VPS13C: variants seen among roughly 807,000 people sequenced by gnomAD.
The protein encoded by VPS13C is intermembrane lipid transfer protein VPS13C.
A neutral mutation model predicts 456.8 loss-of-function variants in VPS13C; 358 were observed. The observed-to-expected ratio is 0.78, with a 90% CI of 0.72 to 0.86. VPS13C has a LOEUF of 0.86. VPS13C is among the 40% of genes least tolerant of loss of function. The probability of loss-of-function intolerance (pLI) is 0.00; values close to 1 mark genes in which losing one functional copy is unlikely to be tolerated. For missense variants in VPS13C, 4,818 were observed against 4,385.4 expected (o/e 1.10, Z -2.79); for synonymous variants, 1,578 against 1,486.7 (o/e 1.06, Z -1.41).
chr15:62,034,929 TGAATGG>T (rs1047780538), intron 4 of VPS13C, 22 bp downstream of exon 4: 2 of 1,454,954 alleles, frequency 1.4e-6, no homozygotes, highest in African/African-American at 2.8e-5. Context: ...GTGATGTTAT[TGAATGG>T]TTATAACCTA....
chr15:61,988,865 G>C (rs929382957), intron 18 of VPS13C, among the ~76,000 whole-genome samples: 1 of 152,048 alleles, frequency 6.6e-6, no homozygotes, highest in African/African-American at 2.4e-5. Context: ...GACAAAAACT[G>C]AATCTTAACC....
rs1188944233 is a variant in VPS13C at position 62,033,452 on chromosome 15, G to A, written c.374C>T (p.Ala125Val). The A allele has an allele frequency of 6.3e-7, 1 of 1,598,528 alleles. No individual in the cohort carries two copies. The highest frequency in any genetic ancestry group is 2.3e-5 in the East Asian group (1 of 44,390). ...AAAAAACTTTTTACCTTTTTCTGCT[G>A]CTTTTTGAAGGGCTTCTTCAATTCG... is the stretch of plus-strand genomic sequence containing the variant. ...LSRIEEALQK[A>V]AEKGTHSGEF... The change falls in exon 5 of 85, where the codon GCA becomes GTA. Residue 125 changes from alanine to valine, a missense_variant. Coordinates refer to ENST00000644861, the MANE Select transcript of VPS13C (RefSeq NM_020821.3).
At chr15:62,058,488 TA>T (rs1028284746) in intron 1 of VPS13C, among the ~76,000 whole-genome samples, 2 of 152,100 alleles carry the variant, frequency 1.3e-5, no homozygotes, top group African/African-American at 2.4e-5. Flanking sequence ...AATTCAGCAA[TA>T]AAAAAATGCA....
Position 61,931,142 on chromosome 15 carries a change from T to A in VPS13C, c.5986A>T (p.Lys1996Ter). The change falls in exon 50 of 85, where the codon AAG (lysine) becomes TAG (stop). Residue 1996 changes from lysine to a stop codon, truncating the protein, a stop_gained. Coordinates refer to ENST00000644861, the MANE Select transcript of VPS13C (RefSeq NM_020821.3). LOFTEE classifies it high-confidence loss of function. ...CTGAGATCATCAAGGGTGCATGTCT[T>A]AAGTTTAACGCTGACATTCATTGAG... ...DGSMNVSVKLKTCTLDDLREG... is the reference protein window; with the variant it reads ...DGSMNVSVKL 1 of 1,614,134 alleles carries A rather than the reference T, an allele frequency of 6.2e-7. No individual in the cohort carries two copies. Among genetic ancestry groups the A allele is most frequent in the Non-Finnish European group, 8.5e-7 (1 of 1,180,022 alleles).
Position 62,060,430 on chromosome 15 carries a change from G to GGCTGCGACCAGC in VPS13C, c.-68_-57dup. 6 of 909,718 alleles carry GGCTGCGACCAGC rather than the reference G, an allele frequency of 6.6e-6. No individual in the cohort carries two copies. The highest frequency in any genetic ancestry group is 1.0e-5 in the Non-Finnish European group (6 of 587,190). 56.4% of individuals were successfully genotyped at this position (909,718 alleles called of 1,614,324 possible). A position where few individuals can be genotyped will look rare whatever the true frequency, so the allele number is the denominator to read the frequency against. On this transcript the variant is annotated 5_prime_UTR_variant, in exon 1 of 85. Coordinates refer to ENST00000644861, the MANE Select transcript of VPS13C (RefSeq NM_020821.3). ...GCCGGAACCGCCCGGCGCAGCTGAG[G>GGCTGCGACCAGC]GCTGCGACCAGCGCTGCAAATGACA... is the stretch of plus-strand genomic sequence containing the variant.
At chr15:61,998,650 A>G (rs1268380428) in intron 16 of VPS13C, among the ~76,000 whole-genome samples, 1 of 152,220 alleles carries the variant, frequency 6.6e-6, no homozygotes, top group Admixed American at 6.5e-5. Context: ...CAGAATCCAG[A>G]CCATCTGACT....
chr15:61,941,162 C>G (rs141535206), intron 46 of VPS13C, among the ~76,000 whole-genome samples: 1 of 152,312 alleles, frequency 6.6e-6, no homozygotes, highest in East Asian at 1.9e-4. Flanking sequence ...TAATCTTATA[C>G]TTAGCCCTTA....
chr15:62,037,286 T>A (rs1306094750), intron 3 of VPS13C, among the ~76,000 whole-genome samples: 40 of 50,156 alleles, frequency 8.0e-4, no homozygotes, highest in African/African-American at 3.0e-3. Flanking sequence ...ATATTATATA[T>A]ATTATATTAT....
intron 41 of VPS13C, 107 bp from the exon 42 acceptor site, chr15:61,949,712 T>C (rs1392015742): frequency 9.5e-7 from 1 of 1,056,118 alleles, no homozygotes; most frequent in Admixed American, 3.4e-5. Context: ...AAGGGCCTTT[T>C]TAAAATTTTT....
intron 1 of VPS13C, among the ~76,000 whole-genome samples, chr15:62,057,257 T>C (rs1250258682): frequency 6.6e-6 from 1 of 152,074 alleles, no homozygotes; most frequent in African/African-American, 2.4e-5. Flanking sequence ...CTAAAGCAAA[T>C]AGTTGTCAAA....
intron 57 of VPS13C, 106 bp downstream of exon 57, chr15:61,919,958 ATGT>A (rs2043596151): frequency 9.1e-7 from 1 of 1,102,272 alleles, no homozygotes; most frequent in African/African-American, 1.6e-5. Flanking sequence ...TATGTTTCAA[ATGT>A]TGTATCTCCA....
chr15:61,895,622 A>T (rs775551612), intron 66 of VPS13C, among the ~76,000 whole-genome samples: 1 of 152,194 alleles, frequency 6.6e-6, no homozygotes, highest in Non-Finnish European at 1.5e-5. Flanking sequence ...TTCTGGACAC[A>T]AACAGTCTGC....
chr15:61,892,589 C>T (rs570392589), intron 66 of VPS13C, among the ~76,000 whole-genome samples: 3 of 152,214 alleles, frequency 2.0e-5, no homozygotes, highest in East Asian at 1.9e-4. Context: ...AAGCCATAGA[C>T]GCATGTCCAC....
Position 61,978,693 on chromosome 15 carries a change from T to C in VPS13C, c.2223A>G (p.Ile741Met), listed in dbSNP as rs1286593474. ...QKTTNSSLEE[I>M]MDKAYDKFDV... ...CAAACTTGTCATATGCCTTATCCATTATTTCTTCCAGAGATGAATTAGTAG... is the reference window on the plus strand; with the variant it reads ...CAAACTTGTCATATGCCTTATCCATCATTTCTTCCAGAGATGAATTAGTAG... Residue 741 changes from isoleucine (I) to methionine (M), a missense_variant, in exon 23 of 85, where the codon ATA (isoleucine) becomes ATG (methionine). Transcript: ENST00000644861. 6.2e-7 allele frequency: 1 copy of C among 1,612,982 alleles called. No individual in the cohort carries two copies. The highest frequency in any genetic ancestry group is 8.5e-7 in the Non-Finnish European group (1 of 1,179,562).
intron 9 of VPS13C, among the ~76,000 whole-genome samples, chr15:62,017,183 T>C (rs1186635223): frequency 6.6e-6 from 1 of 152,210 alleles, no homozygotes; most frequent in Admixed American, 6.5e-5. Context: ...TTCTGGATAT[T>C]AGCCCTTTGT....
intron 3 of VPS13C, among the ~76,000 whole-genome samples, chr15:62,037,345 ATAT>A (rs2048079008): frequency 2.2e-5 from 2 of 90,262 alleles, no homozygotes; most frequent in African/African-American, 8.6e-5. Context: ...TATATATAAT[ATAT>A]TATATATAAA....
Position 61,927,250 on chromosome 15 carries a change from G to C in VPS13C, c.6357C>G (p.Ser2119Arg), listed in dbSNP as rs138853397. 9.9e-6 allele frequency: 16 copies of C among 1,614,070 alleles called. No homozygotes were observed. Among genetic ancestry groups the C allele is most frequent in the Admixed American group, 1.7e-5 (1 of 60,002 alleles). Reference protein sequence around the residue: ...ITDPEVVFVASLTKADAPALT... With the variant: ...ITDPEVVFVARLTKADAPALT... ...GAGCAGGAGCATCAGCCTTTGTCAGGCTGGCAACAAATACCACTTCTGGAT... is the reference window on the plus strand; with the variant it reads ...GAGCAGGAGCATCAGCCTTTGTCAGCCTGGCAACAAATACCACTTCTGGAT... The change falls in exon 52 of 85, where the codon AGC becomes AGG. Residue 2119 changes from serine (S) to arginine (R), a missense_variant. Ser to Arg is a moderately radical substitution (Grantham distance 110, BLOSUM62 -1). Coordinates refer to ENST00000644861, the MANE Select transcript of VPS13C (RefSeq NM_020821.3).
At chr15:61,881,386 G>C (rs1373029381) in intron 71 of VPS13C, among the ~76,000 whole-genome samples, 177 bp downstream of exon 71, 3 of 151,536 alleles carry the variant, frequency 2.0e-5, no homozygotes, top group Admixed American at 2.0e-4. Flanking sequence ...AAAATATGTA[G>C]AGACTACTAC....
rs550290229 is a variant in VPS13C at position 62,010,166 on chromosome 15, G to A, written c.1011+306C>T. Among the ~76,000 whole-genome samples, 5 of 151,750 alleles carry A rather than the reference G, an allele frequency of 3.3e-5. No homozygotes were observed. The East Asian group carries it at 9.7e-4, about 29-fold the overall frequency. ...GATCGCACCACTGCACTCCAGCCTG[G>A]GCAACAGAGTGAGACTCCATCTCAA... On this transcript the variant is annotated intron_variant, in intron 13 of 84. Coordinates refer to ENST00000644861, the MANE Select transcript of VPS13C (RefSeq NM_020821.3).
Sources: gnomAD v4.1 joint callset for allele counts (sites outside exome capture counted in the v4.1 genomes callset) on GRCh38, gnomAD v4.1.1 for gene constraint, MANE v1.5 for transcripts, NCBI Gene and HGNC (gene_info 2026-07-23, HGNC 2026-07-21) for gene names.